Variants in KHDRBS2 observed in about 807,000 individuals in gnomAD.
KHDRBS2 encodes the protein KH domain-containing, RNA-binding, signal transduction-associated protein 2.
KHDRBS2 carries 26 observed loss-of-function variants against 44.3 expected under a neutral mutation model. The observed-to-expected ratio is 0.59, with a 90% confidence interval of 0.43 to 0.81. KHDRBS2 has a LOEUF of 0.81. KHDRBS2 is among the 40% of genes least tolerant of loss of function. The pLI is 0.00. For synonymous variants in KHDRBS2, 194 were observed against 151.1 expected, an observed-to-expected ratio of 1.28 and a Z score of -2.08; for missense variants, 476 against 433.1, an observed-to-expected ratio of 1.10 and a Z score of -0.88.
chr6:61,885,490 G>A (rs1351238717), intron 6 of KHDRBS2, among the ~76,000 whole-genome samples: 1 of 152,104 alleles, frequency 6.6e-6, no homozygotes, highest in Admixed American at 6.6e-5. Flanking sequence ...AGTTCACAAT[G>A]GAATAGCAGT....
chr6:62,123,117 C>A (rs952654897), intron 2 of KHDRBS2, among the ~76,000 whole-genome samples: 1 of 152,056 alleles, frequency 6.6e-6, no homozygotes, highest in African/African-American at 2.4e-5. Context: ...TCTCATTGTT[C>A]AACTCTCACC....
At chr6:61,659,287 C>T in the KHDRBS2 span, 2 of 151,768 alleles carry the variant, frequency 1.3e-5, no homozygotes, top group South Asian at 4.1e-4. Flanking sequence ...AAGAATTTTT[C>T]CTAGCATCCA....
At chr6:62,181,226 G>T (rs1433021444) in intron 1 of KHDRBS2, among the ~76,000 whole-genome samples, 1 of 151,804 alleles carries the variant, frequency 6.6e-6, no homozygotes, top group Non-Finnish European at 1.5e-5. Context: ...TTTCTACACA[G>T]CAAAAGAAAC....
chr6:61,591,985 T>A, the KHDRBS2 span, among the ~76,000 whole-genome samples: 1 of 151,794 alleles, frequency 6.6e-6, no homozygotes, highest in African/African-American at 2.4e-5. Context: ...GCCAAGAAAT[T>A]CAAGAACAGC....
At chr6:61,817,122 T>C (rs1421019893) in intron 6 of KHDRBS2, 4 of 351,766 alleles carry the variant, frequency 1.1e-5, no homozygotes, top group South Asian at 4.4e-5. Flanking sequence ...CTACAAAGAA[T>C]GTAAATGCTG....
intron 3 of KHDRBS2, 27 bp from the exon 4 acceptor site, chr6:61,978,239 A>G (rs1324032752): frequency 6.4e-7 from 1 of 1,572,594 alleles, no homozygotes; most frequent in Admixed American, 1.8e-5. Context: ...TTTTAGAAAT[A>G]CAAATCCACT....
chr6:62,182,045 G>GCATC (rs1440448471), intron 1 of KHDRBS2, among the ~76,000 whole-genome samples: 1 of 151,908 alleles, frequency 6.6e-6, no homozygotes, highest in African/African-American at 2.4e-5. Context: ...CAAGAAAAAA[G>GCATC]CATCATCTAT....
chr6:62,138,662 G>A (rs953384829), intron 2 of KHDRBS2, among the ~76,000 whole-genome samples: 1 of 152,186 alleles, frequency 6.6e-6, no homozygotes, highest in Admixed American at 6.5e-5. Context: ...CTAGGAGGTT[G>A]ATTAAACCTA....
intron 6 of KHDRBS2, among the ~76,000 whole-genome samples, chr6:61,738,174 A>T (rs1775662002): frequency 6.6e-6 from 1 of 152,000 alleles, no homozygotes; most frequent in African/African-American, 2.4e-5. Context: ...TTATTACTTA[A>T]GTTATCAGTC....
intron 1 of KHDRBS2, among the ~76,000 whole-genome samples, chr6:62,195,706 T>A (rs1295885517): frequency 6.6e-6 from 1 of 152,092 alleles, no homozygotes; most frequent in Non-Finnish European, 1.5e-5. Flanking sequence ...TAAAAGTGAA[T>A]GACATATATA....
chr6:62,264,050 T>C (rs1343456504), intron 1 of KHDRBS2, among the ~76,000 whole-genome samples: 1 of 151,756 alleles, frequency 6.6e-6, no homozygotes, highest in Non-Finnish European at 1.5e-5. Flanking sequence ...CCAGATATTA[T>C]TTCTCATTTG....
chr6:61,706,415 A>G (rs1420453208), intron 7 of KHDRBS2, among the ~76,000 whole-genome samples: 1 of 151,794 alleles, frequency 6.6e-6, no homozygotes, highest in African/African-American at 2.4e-5. Context: ...TGGCTATTAG[A>G]CAGCTCCTAA....
chr6:61,624,409 T>C, the KHDRBS2 span, among the ~76,000 whole-genome samples: 1 of 152,224 alleles, frequency 6.6e-6, no homozygotes, highest in Non-Finnish European at 1.5e-5. Flanking sequence ...ATTGGTGTTG[T>C]TCCTTTCTAG....
chr6:62,267,721 T>C (rs1459132795), intron 1 of KHDRBS2, among the ~76,000 whole-genome samples: 6 of 151,960 alleles, frequency 3.9e-5, no homozygotes, highest in African/African-American at 1.4e-4. Context: ...TCTCTCCTAT[T>C]CCCCCCATGT....
intron 2 of KHDRBS2, among the ~76,000 whole-genome samples, 180 bp from the exon 3 acceptor site, chr6:62,048,174 C>T (rs1469689579): frequency 3.4e-5 from 5 of 148,412 alleles, no homozygotes; most frequent in Non-Finnish European, 7.4e-5. Context: ...CAAACCATTT[C>T]AGATATCTAA....
chr6:61,809,818 A>G (rs2127592254), intron 6 of KHDRBS2, among the ~76,000 whole-genome samples: 1 of 152,304 alleles, frequency 6.6e-6, no homozygotes, highest in East Asian at 1.9e-4. Context: ...GCAAGGATTT[A>G]GCTGTATAAA....
chr6:61,550,108 G>T, the KHDRBS2 span, among the ~76,000 whole-genome samples: 2 of 152,074 alleles, frequency 1.3e-5, no homozygotes, highest in African/African-American at 4.8e-5. Flanking sequence ...TGGGTAAATT[G>T]CATGTCATTG....
the KHDRBS2 span, among the ~76,000 whole-genome samples, chr6:61,618,797 G>A: frequency 6.6e-6 from 1 of 152,226 alleles, no homozygotes; most frequent in Middle Eastern, 3.4e-3. Flanking sequence ...TGCAAAGGAA[G>A]CTAATTAGCC....
At chr6:61,991,896 G>A (rs1048370022) in intron 3 of KHDRBS2, among the ~76,000 whole-genome samples, 1 of 152,188 alleles carries the variant, frequency 6.6e-6, no homozygotes, top group African/African-American at 2.4e-5. Context: ...CCACTGGGAA[G>A]GCAATGGTTG....
Sources: gnomAD v4.1 joint callset for allele counts (sites outside exome capture counted in the v4.1 genomes callset) on GRCh38, gnomAD v4.1.1 for gene constraint, MANE v1.5 for transcripts, NCBI Gene and HGNC (gene_info 2026-07-23, HGNC 2026-07-21) for gene names.